JMJD1C: variants seen among roughly 807,000 people sequenced by gnomAD.
The protein encoded by JMJD1C is jumonji domain containing 1C, also known as jumonji domain-containing protein 1C.
A neutral mutation model predicts 245.3 loss-of-function variants in JMJD1C; 31 were observed. That is an observed-to-expected ratio of 0.13 (90% CI 0.09 to 0.17). The LOEUF is 0.17. JMJD1C is among the 10% of genes least tolerant of loss of function. JMJD1C has a pLI of 1.00. For missense variants in JMJD1C, 2,691 were observed against 3,000.2 expected (o/e 0.90, Z 2.41); for synonymous variants, 1,057 against 1,017.4 (o/e 1.04, Z -0.74).
chr10:63,195,123 G>A (rs903769808), intron 13 of JMJD1C, among the ~76,000 whole-genome samples: 5 of 152,188 alleles, frequency 3.3e-5, no homozygotes, highest in Admixed American at 1.3e-4. Flanking sequence ...GGGAGGCCAA[G>A]GCAGCGGATC....
At chr10:63,406,934 T>C (rs1048631304) in intron 1 of JMJD1C, among the ~76,000 whole-genome samples, 9 of 152,002 alleles carry the variant, frequency 5.9e-5, no homozygotes, top group Admixed American at 1.3e-4. Context: ...TTTCAACAGA[T>C]TGAAAAGATG....
chr10:63,214,710 T>C lies in JMJD1C; in HGVS notation c.1457A>G (p.Asp486Gly). The C allele has an allele frequency of 6.2e-7, 1 of 1,614,002 alleles. No homozygotes were observed. Among genetic ancestry groups the C allele is most frequent in the Non-Finnish European group, 8.5e-7 (1 of 1,179,920 alleles). Residue 486 changes from aspartate (D) to glycine (G), a missense_variant, in exon 8 of 26, where the codon GAT becomes GGT. Coordinates refer to ENST00000399262, the MANE Select transcript of JMJD1C (RefSeq NM_032776.3). ...NDLLPQECNMDKTHTMELLPK... is the reference protein window; with the variant it reads ...NDLLPQECNMGKTHTMELLPK... Reference sequence around the variant, plus strand: ...TAGCAATTCCATGGTATGTGTTTTATCCATATTGCATTCCTGAGGAAGTAA... The same window carrying C: ...TAGCAATTCCATGGTATGTGTTTTACCCATATTGCATTCCTGAGGAAGTAA...
At chr10:63,492,750 A>C (rs1347944082) in intron 1 of JMJD1C, among the ~76,000 whole-genome samples, 2 of 152,194 alleles carry the variant, frequency 1.3e-5, no homozygotes, top group Non-Finnish European at 2.9e-5. Context: ...TAATCACTAA[A>C]AATATAAGAA....
intron 2 of JMJD1C, among the ~76,000 whole-genome samples, chr10:63,280,278 G>A (rs975994257): frequency 1.1e-4 from 16 of 151,950 alleles, no homozygotes; most frequent in African/African-American, 2.7e-4. Flanking sequence ...GGCCACACGC[G>A]GTTGCTCACG....
intron 1 of JMJD1C, among the ~76,000 whole-genome samples, chr10:63,411,839 T>C (rs1383264316): frequency 6.7e-6 from 1 of 149,186 alleles, no homozygotes; most frequent in Non-Finnish European, 1.5e-5. Context: ...CCTGACCTCA[T>C]GATCCCACCT....
upstream of JMJD1C, chr10:63,466,190 G>T: frequency 5.4e-6 from 1 of 185,600 alleles, no homozygotes; most frequent in Non-Finnish European, 1.1e-5. Flanking sequence ...AGGGCCGCGG[G>T]AAAGTAGGCG....
chr10:63,495,199 C>T (rs1398118885), intron 1 of JMJD1C, among the ~76,000 whole-genome samples: 1 of 151,452 alleles, frequency 6.6e-6, no homozygotes. Flanking sequence ...CTCAAAGGAA[C>T]CAATGTTCTT....
chr10:63,290,297 G>A (rs960077937), intron 2 of JMJD1C, among the ~76,000 whole-genome samples: 5 of 152,102 alleles, frequency 3.3e-5, no homozygotes, highest in Non-Finnish European at 1.5e-5. Flanking sequence ...GGCCAGGCGC[G>A]GTGGCTCACA....
chr10:63,319,021 G>C (rs1266178867), intron 2 of JMJD1C, among the ~76,000 whole-genome samples: 1 of 151,912 alleles, frequency 6.6e-6, no homozygotes. Flanking sequence ...AGCACTCTGG[G>C]AGGCCAAGGT....
chr10:63,175,172 T>C (rs1842767128), intron 24 of JMJD1C, among the ~76,000 whole-genome samples: 1 of 152,178 alleles, frequency 6.6e-6, no homozygotes, highest in Admixed American at 6.5e-5. Flanking sequence ...GCTCTTCTTT[T>C]GAGAGCATTT....
chr10:63,252,420 A>C (rs990000822), intron 3 of JMJD1C, among the ~76,000 whole-genome samples: 2 of 152,152 alleles, frequency 1.3e-5, no homozygotes, highest in East Asian at 3.8e-4. Flanking sequence ...GAAGGCCTTA[A>C]GAAAAAAGAC....
chr10:63,364,459 T>C (rs1564836961), intron 2 of JMJD1C, among the ~76,000 whole-genome samples: 3 of 152,236 alleles, frequency 2.0e-5, no homozygotes, highest in Non-Finnish European at 4.4e-5. Flanking sequence ...TTTTTGTTGT[T>C]GCTATCTTGG....
chr10:63,245,922 G>A (rs1852148529), intron 3 of JMJD1C, among the ~76,000 whole-genome samples: 1 of 152,172 alleles, frequency 6.6e-6, no homozygotes, highest in African/African-American at 2.4e-5. Context: ...AATTCAAGAT[G>A]AGATTTGGGT....
chr10:63,404,992 A>G (rs1005849608), intron 1 of JMJD1C, among the ~76,000 whole-genome samples: 2 of 152,232 alleles, frequency 1.3e-5, no homozygotes, highest in Non-Finnish European at 2.9e-5. Context: ...TCAACATGAT[A>G]CAATTAGTTC....
rs1847671551 is a variant in JMJD1C, at chr10:63,214,016, A to T, written c.2151T>A (p.Pro717=). 6.2e-7 allele frequency: 1 copy of T among 1,614,116 alleles called. No homozygotes were observed. The highest frequency in any genetic ancestry group is 1.7e-5 in the Admixed American group (1 of 60,008). ...CTCCTGTTTCTGACCCAATAAGTGCAGGATCTCTGTAAACTGTAAAATGCT... is the reference window on the plus strand; with the variant it reads ...CTCCTGTTTCTGACCCAATAAGTGCTGGATCTCTGTAAACTGTAAAATGCT... ...KNEHFTVYRD[P]ALIGSETGAN... is the part of the protein sequence containing the mutation. Residue 717 remains proline (P), a synonymous_variant, in exon 8 of 26, where the codon CCT becomes CCA. Transcript: ENST00000399262.
At chr10:63,174,888 G>A (rs959172304) in intron 24 of JMJD1C, among the ~76,000 whole-genome samples, 2 of 150,810 alleles carry the variant, frequency 1.3e-5, no homozygotes, top group African/African-American at 2.4e-5. Flanking sequence ...GAATTTTTTC[G>A]GAGTGATGGA....
chr10:63,262,416 A>G (rs956360214), intron 3 of JMJD1C, among the ~76,000 whole-genome samples: 1 of 152,166 alleles, frequency 6.6e-6, no homozygotes, highest in Non-Finnish European at 1.5e-5. Context: ...TCATTTACAC[A>G]TGGGAGAAAA....
chr10:63,349,394 G>T (rs1209612037), intron 2 of JMJD1C, among the ~76,000 whole-genome samples: 2 of 152,218 alleles, frequency 1.3e-5, no homozygotes, highest in Non-Finnish European at 2.9e-5. Flanking sequence ...TACCAGTTTT[G>T]CGTTCTCATA....
At chr10:63,189,523 T>G in intron 17 of JMJD1C, 77 bp from the exon 18 acceptor site, 1 of 1,273,372 alleles carries the variant, frequency 7.9e-7, no homozygotes, top group East Asian at 2.3e-5. Flanking sequence ...CAGACTTATT[T>G]TTTTTTAAAC....
Sources: gnomAD v4.1 joint callset for allele counts (sites outside exome capture counted in the v4.1 genomes callset) on GRCh38, gnomAD v4.1.1 for gene constraint, MANE v1.5 for transcripts, NCBI Gene and HGNC (gene_info 2026-07-23, HGNC 2026-07-21) for gene names.